The following DLG5 variants were observed in gnomAD, a reference collection of about 807,000 sequenced individuals.
DLG5 encodes discs large MAGUK scaffold protein 5.
In DLG5, 48 loss-of-function variants were observed where a neutral mutation model predicts 189.8. The observed-to-expected ratio is 0.25, with a 90% CI of 0.20 to 0.32. The LOEUF (loss-of-function observed/expected upper bound fraction) is 0.32. Among genes scored for constraint, DLG5 ranks in the 10% least tolerant of loss-of-function variants. The probability of loss-of-function intolerance (pLI) is 1.00; values close to 1 mark genes in which losing one functional copy is unlikely to be tolerated. For synonymous variants in DLG5, 1,016 were observed against 1,054.1 expected, an observed-to-expected ratio of 0.96 and a Z score of 0.70; for missense variants, 2,160 against 2,544.7, an observed-to-expected ratio of 0.85 and a Z score of 3.25.
At chr10:77,925,605 A>G (rs1394128259) in intron 1 of DLG5, among the ~76,000 whole-genome samples, 1 of 152,212 alleles carries the variant, frequency 6.6e-6, no homozygotes, top group Non-Finnish European at 1.5e-5. Context: ...AGCCACTACT[A>G]GGATTTTCCC....
chr10:77,857,451 G>A (rs987922843), intron 2 of DLG5, among the ~76,000 whole-genome samples: 4 of 152,324 alleles, frequency 2.6e-5, no homozygotes, highest in East Asian at 1.9e-4. Context: ...CCGTCCACCC[G>A]CCTGAAAGAC....
intron 1 of DLG5, among the ~76,000 whole-genome samples, chr10:77,876,011 T>C (rs958754922): frequency 5.3e-5 from 8 of 152,038 alleles, no homozygotes; most frequent in African/African-American, 1.4e-4. Flanking sequence ...GACACTGGCA[T>C]GTCATCAAGG....
chr10:77,854,611 G>A (rs186514443), intron 3 of DLG5, among the ~76,000 whole-genome samples: 3 of 152,350 alleles, frequency 2.0e-5, no homozygotes, highest in Non-Finnish European at 4.4e-5. Flanking sequence ...GGAGAGCTAA[G>A]AAGGTGCCAA....
intron 1 of DLG5, among the ~76,000 whole-genome samples, chr10:77,919,025 G>A (rs1365137002): frequency 5.9e-5 from 9 of 152,106 alleles, no homozygotes; most frequent in African/African-American, 1.9e-4. Flanking sequence ...AGACCAGCCT[G>A]GCCAAGATGG....
chr10:77,841,598 C>T (rs1035578368), intron 7 of DLG5, among the ~76,000 whole-genome samples: 2 of 152,306 alleles, frequency 1.3e-5, no homozygotes, highest in East Asian at 3.9e-4. Context: ...TCTGCAATTA[C>T]GTAGCAATGG....
At chr10:77,876,751 A>G (rs1448585101) in intron 1 of DLG5, among the ~76,000 whole-genome samples, 2 of 115,718 alleles carry the variant, frequency 1.7e-5, no homozygotes, top group African/African-American at 5.8e-5. Flanking sequence ...AAGGAAGGAA[A>G]AAAAAAAAGT....
At position 77,811,170 on chromosome 10, in the gene DLG5, G is replaced by A; in HGVS notation, c.4387C>T (p.His1463Tyr). The A allele has an allele frequency of 6.2e-7, 1 of 1,613,420 alleles. No individual in the cohort carries two copies. The highest frequency in any genetic ancestry group is 8.5e-7 in the Non-Finnish European group (1 of 1,179,994). ...ATCAGTGGGTCGATGACAGATGGAT[G>A]CTCCGGGGTGGTGGTGCCACTGCCC... ...LQGSGTTTPE[H>Y]PSVIDPLMEQ... is the part of the protein sequence containing the mutation. Residue 1463 changes from histidine (H) to tyrosine (Y), a missense_variant, in exon 23 of 32, where the codon CAT (histidine) becomes TAT (tyrosine). By Grantham distance (83) the His-to-Tyr change is moderately conservative. Coordinates refer to ENST00000372391, the MANE Select transcript of DLG5 (RefSeq NM_004747.4).
rs139433868 is a variant in DLG5 at position 77,830,191 on chromosome 10, T to C, written c.2009+26A>G. On this transcript the variant is annotated intron_variant, in intron 11 of 31. Transcript: ENST00000372391. ...CTGGGAAGAAGGGCCCCACCTTGCCTCCAGAGCCTGGGCCTCAACTCTTAC... is the reference window on the plus strand; with the variant it reads ...CTGGGAAGAAGGGCCCCACCTTGCCCCCAGAGCCTGGGCCTCAACTCTTAC... 2.6e-3 allele frequency: 4,274 copies of C among 1,613,544 alleles called. 169 individuals are homozygous for C. In the Admixed American group the frequency reaches 0.065, roughly 25 times the overall value.
chr10:77,808,304 G>A (rs1183607594), intron 24 of DLG5, among the ~76,000 whole-genome samples: 1 of 152,114 alleles, frequency 6.6e-6, no homozygotes, highest in Admixed American at 6.6e-5. Flanking sequence ...GTCTCCCTCT[G>A]TCACACAGAC....
chr10:77,798,376 C>A (rs1841033617), intron 27 of DLG5, among the ~76,000 whole-genome samples: 1 of 152,016 alleles, frequency 6.6e-6, no homozygotes, highest in African/African-American at 2.4e-5. Context: ...AGTCACGGGG[C>A]AAAGAACTTC....
intron 2 of DLG5, among the ~76,000 whole-genome samples, chr10:77,858,356 CAA>C (rs1260180774): frequency 2.0e-5 from 3 of 151,890 alleles, no homozygotes; most frequent in Non-Finnish European, 4.4e-5. Context: ...AAAAATTAGC[CAA>C]GAGTGGTGGC....
intron 1 of DLG5, among the ~76,000 whole-genome samples, chr10:77,901,895 CTA>C (rs1362198628): frequency 6.6e-6 from 1 of 152,240 alleles, no homozygotes; most frequent in Non-Finnish European, 1.5e-5. Context: ...AGAAAGCCAA[CTA>C]TGAGATCCTT....
chr10:77,817,478 C>T (rs1453203219), intron 18 of DLG5, among the ~76,000 whole-genome samples: 1 of 152,228 alleles, frequency 6.6e-6, no homozygotes, highest in Non-Finnish European at 1.5e-5. Context: ...CCATACAAAA[C>T]AGTCCAGAAT....
intron 1 of DLG5, among the ~76,000 whole-genome samples, chr10:77,872,013 T>C (rs1449738293): frequency 6.6e-6 from 1 of 152,200 alleles, no homozygotes; most frequent in Admixed American, 6.5e-5. Flanking sequence ...ATTTTTTAAA[T>C]AGTATTTTTT....
chr10:77,817,712 A>G, intron 18 of DLG5, 65 bp downstream of exon 18: 1 of 1,406,258 alleles, frequency 7.1e-7, no homozygotes, highest in African/African-American at 1.4e-5. Context: ...TCTGGACATT[A>G]GGATGCAGGC....
chr10:77,869,717 G>C (rs930483372), intron 1 of DLG5: 2 of 154,388 alleles, frequency 1.3e-5, no homozygotes, highest in Non-Finnish European at 2.9e-5. Context: ...CTCCTAAAAT[G>C]ATGAGCAATT....
intron 18 of DLG5, among the ~76,000 whole-genome samples, chr10:77,817,569 C>T (rs555045378): frequency 2.6e-5 from 4 of 152,354 alleles, no homozygotes; most frequent in Admixed American, 2.0e-4. Context: ...CCACAGAAAG[C>T]GGAAGGCGAA....
At chr10:77,795,944 G>A (rs1032798955) in intron 29 of DLG5, 117 bp downstream of exon 29, 13 of 1,449,728 alleles carry the variant, frequency 9.0e-6, no homozygotes, top group African/African-American at 5.6e-5. Flanking sequence ...AACACAACAC[G>A]GTGGGCTCAC....
chr10:77,827,501 C>T (rs993481727), intron 13 of DLG5, among the ~76,000 whole-genome samples: 13 of 152,190 alleles, frequency 8.5e-5, no homozygotes, highest in African/African-American at 1.4e-4. Flanking sequence ...GCCATGATTA[C>T]GGGCGTGAGC....
Sources: gnomAD v4.1 joint callset for allele counts (sites outside exome capture counted in the v4.1 genomes callset) on GRCh38, gnomAD v4.1.1 for gene constraint, MANE v1.5 for transcripts, NCBI Gene and HGNC (gene_info 2026-07-23, HGNC 2026-07-21) for gene names.